The following LRRC59 variants were observed in gnomAD, a reference collection of about 807,000 sequenced individuals.
LRRC59 encodes leucine rich repeat containing 59.
Under a neutral mutation model 33.5 loss-of-function variants are expected in LRRC59, and 18 were observed. That is an observed-to-expected ratio of 0.54 (90% CI 0.37 to 0.80). The LOEUF (loss-of-function observed/expected upper bound fraction) is 0.80, where lower values mean the gene tolerates loss of function less well. Ranked by LOEUF, LRRC59 falls within the 30% of genes least tolerant of loss-of-function variation. The pLI is 0.00. For missense variants in LRRC59, 330 were observed against 391.9 expected, an observed-to-expected ratio of 0.84 and a Z score of 1.33; for synonymous variants, 138 against 160.0, an observed-to-expected ratio of 0.86 and a Z score of 1.04.
At chr17:50,393,601 C>T (rs1374974115) in intron 2 of LRRC59, among the ~76,000 whole-genome samples, 1 of 152,206 alleles carries the variant, frequency 6.6e-6, no homozygotes, top group East Asian at 1.9e-4. Context: ...TCTTTCTCAA[C>T]ACAGGTCAAA....
At position 50,383,034 on chromosome 17, in the gene LRRC59, C is replaced by T. The variant is rs146642281; in HGVS notation, c.878G>A (p.Arg293His). The change falls in exon 7 of 7, where the codon CGC (arginine) becomes CAC (histidine). Residue 293 changes from arginine to histidine, a missense_variant. Arg to His is a conservative substitution (Grantham distance 29). Transcript: ENST00000225972. ...GAGGACCCACTGGAGGATCTCATGGCGGCGTAGACCCTGGACCGCATTGTC... is the reference window on the plus strand; with the variant it reads ...GAGGACCCACTGGAGGATCTCATGGTGGCGTAGACCCTGGACCGCATTGTC... ...IYDNAVQGLR[R>H]HEILQWVLQT... 3.0e-5 allele frequency: 48 copies of T among 1,612,932 alleles called. No homozygotes were observed. The African/African-American group carries it at 3.2e-4, about 11-fold the overall frequency.
At chr17:50,389,649 A>G (rs1380675923) in intron 4 of LRRC59, among the ~76,000 whole-genome samples, 1 of 152,212 alleles carries the variant, frequency 6.6e-6, no homozygotes, top group African/African-American at 2.4e-5. Context: ...TGCACTTAAC[A>G]ATTACATTTG....
chr17:50,383,289 T>C, intron 6 of LRRC59, 54 bp from the exon 7 acceptor site: 1 of 1,521,646 alleles, frequency 6.6e-7, no homozygotes, highest in East Asian at 2.5e-5. Flanking sequence ...AGACCTGCTC[T>C]ATACTAATCT....
chr17:50,384,073 T>A (rs1913942698), intron 6 of LRRC59, among the ~76,000 whole-genome samples: 1 of 151,104 alleles, frequency 6.6e-6, no homozygotes, highest in Admixed American at 6.6e-5. Context: ...CCCTCAGGAG[T>A]CCCTTTTCAC....
At position 50,382,666 on chromosome 17, in the gene LRRC59, A is replaced by G. The variant is rs999251033; in HGVS notation, c.*322T>C. The G allele has an allele frequency of 1.8e-5, 6 of 329,662 alleles. No individual in the cohort carries two copies. Among genetic ancestry groups the G allele is most frequent in the African/African-American group, 1.3e-4 (6 of 47,610 alleles). 20.4% of individuals were successfully genotyped at this position (329,662 alleles called of 1,614,324 possible). ...AGTGACAGCTGACCATTTAGTAGAA[A>G]CGAGCCTTGCCTTTACACAGCTTTA... is the stretch of plus-strand genomic sequence containing the variant. On this transcript the variant is annotated 3_prime_UTR_variant, in exon 7 of 7. Transcript: ENST00000225972.
Position 50,382,781 on chromosome 17 carries a change from C to T in LRRC59, c.*207G>A, listed in dbSNP as rs961766319. The stretch of plus-strand genomic sequence containing the variant: ...CAGGTAACTGCCCCCCACGCCCCCC[C>T]GCCACCTCCCATTTCTCCTCATTCC... On this transcript the variant is annotated 3_prime_UTR_variant, in exon 7 of 7. Coordinates refer to ENST00000225972, the MANE Select transcript of LRRC59 (RefSeq NM_018509.4). 2.4e-5 allele frequency: 15 copies of T among 618,030 alleles called. No homozygotes were observed. Among genetic ancestry groups the T allele is most frequent in the East Asian group, 1.6e-4 (5 of 31,360 alleles). 38.3% of individuals were successfully genotyped at this position (618,030 alleles called of 1,614,324 possible).
chr17:50,389,503 T>A (rs1205812103), intron 4 of LRRC59, among the ~76,000 whole-genome samples: 1 of 152,154 alleles, frequency 6.6e-6, no homozygotes, highest in East Asian at 1.9e-4. Context: ...ATAAATAATA[T>A]AACTTGTATT....
chr17:50,388,000 G>T, intron 5 of LRRC59, 60 bp downstream of exon 5: 1 of 1,534,928 alleles, frequency 6.5e-7, no homozygotes, highest in Non-Finnish European at 9.0e-7. Context: ...CCTGAAGCAT[G>T]AGAATCCACT....
chr17:50,385,686 T>C lies in LRRC59; in HGVS notation c.503-395A>G, dbSNP rs539243999. Among the ~76,000 whole-genome samples the C allele has an allele frequency of 2.0e-4, 31 of 152,322 alleles. No individual in the cohort carries two copies. The East Asian group carries it at 2.5e-3, about 12-fold the overall frequency. Reference sequence around the variant, plus strand: ...AAACCATGGCAGTTTTCTATGGGACTCCTATCTTCCCAAGCTTCAGAAATG... The same window carrying C: ...AAACCATGGCAGTTTTCTATGGGACCCCTATCTTCCCAAGCTTCAGAAATG... On this transcript the variant is annotated intron_variant, in intron 5 of 6. Coordinates refer to ENST00000225972, the MANE Select transcript of LRRC59 (RefSeq NM_018509.4).
intron 2 of LRRC59, among the ~76,000 whole-genome samples, chr17:50,394,119 A>T (rs572969034): frequency 6.6e-6 from 1 of 152,338 alleles, no homozygotes; most frequent in Admixed American, 6.5e-5. Context: ...CTAGGAGAAT[A>T]CTGAGAGGTG....
chr17:50,391,197 T>C (rs1238404919), intron 4 of LRRC59, among the ~76,000 whole-genome samples: 1 of 152,222 alleles, frequency 6.6e-6, no homozygotes, highest in Non-Finnish European at 1.5e-5. Flanking sequence ...CTACAGCACC[T>C]AGTTTTCAAA....
At chr17:50,389,908 C>T (rs1914100379) in intron 4 of LRRC59, among the ~76,000 whole-genome samples, 1 of 151,896 alleles carries the variant, frequency 6.6e-6, no homozygotes. Flanking sequence ...CCAGCCTGAC[C>T]GATATGGTGA....
At chr17:50,388,391 A>AT (rs1051341660) in intron 4 of LRRC59, among the ~76,000 whole-genome samples, 6 of 152,286 alleles carry the variant, frequency 3.9e-5, no homozygotes, top group African/African-American at 1.4e-4. Context: ...AATGTAAAAA[A>AT]TTGGCCAGGC....
chr17:50,394,856 C>T (rs1013433119), intron 2 of LRRC59, 73 bp downstream of exon 2: 11 of 1,108,358 alleles, frequency 9.9e-6, no homozygotes, highest in South Asian at 7.7e-5. Context: ...TCCCACCCCC[C>T]TCTCAACCCC....
At position 50,383,264 on chromosome 17, in the gene LRRC59, A is replaced by C. The variant is rs1232520985; in HGVS notation, c.677-29T>G. On this transcript the variant is annotated intron_variant, in intron 6 of 6. Coordinates refer to ENST00000225972, the MANE Select transcript of LRRC59 (RefSeq NM_018509.4). ...GAGGAAAAGTAACAGTAGACAAAGCAAGTTCAGTCAGAGGAGACCTGCTCT... is the reference window on the plus strand; with the variant it reads ...GAGGAAAAGTAACAGTAGACAAAGCCAGTTCAGTCAGAGGAGACCTGCTCT... The C allele has an allele frequency of 1.9e-6, 3 of 1,545,980 alleles. No individual in the cohort carries two copies. The African/African-American group carries it at 4.1e-5, about 21-fold the overall frequency.
rs1428490080 is a variant in LRRC59, at chr17:50,382,644, G to C, written c.*344C>G. 3.5e-6 allele frequency: 1 copy of C among 288,274 alleles called. No individual in the cohort carries two copies. Among genetic ancestry groups the C allele is most frequent in the Non-Finnish European group, 6.6e-6 (1 of 151,566 alleles). 17.9% of individuals were successfully genotyped at this position (288,274 alleles called of 1,614,324 possible). A position where few individuals can be genotyped will look rare whatever the true frequency, so the allele number is the denominator to read the frequency against. ...TGGCATACAAAAGTATAAATGTAGT[G>C]ACAGCTGACCATTTAGTAGAAACGA... On this transcript the variant is annotated 3_prime_UTR_variant, in exon 7 of 7. Transcript: ENST00000225972.
At chr17:50,386,586 C>G (rs1029845854) in intron 5 of LRRC59, among the ~76,000 whole-genome samples, 3 of 152,134 alleles carry the variant, frequency 2.0e-5, no homozygotes, top group Non-Finnish European at 4.4e-5. Flanking sequence ...AGCTGGGCAC[C>G]AGAATGCCAA....
chr17:50,395,738 AC>A (rs1457920587), intron 1 of LRRC59, among the ~76,000 whole-genome samples: 1 of 152,006 alleles, frequency 6.6e-6, no homozygotes, highest in Non-Finnish European at 1.5e-5. Flanking sequence ...ACACGGAGAA[AC>A]CCTGTCTCTA....
intron 4 of LRRC59, among the ~76,000 whole-genome samples, chr17:50,388,366 C>G (rs182615058): frequency 8.5e-5 from 13 of 152,282 alleles, no homozygotes; most frequent in Admixed American, 2.6e-4. Context: ...TAATGAGACC[C>G]TGTCTCTACA....
Sources: gnomAD v4.1 joint callset for allele counts (sites outside exome capture counted in the v4.1 genomes callset) on GRCh38, gnomAD v4.1.1 for gene constraint, MANE v1.5 for transcripts, NCBI Gene and HGNC (gene_info 2026-07-23, HGNC 2026-07-21) for gene names.